Variants in PTPRD observed in about 807,000 individuals in gnomAD.
PTPRD encodes the protein protein tyrosine phosphatase receptor type D, also known as receptor-type tyrosine-protein phosphatase delta.
PTPRD carries 34 observed loss-of-function variants against 214.5 expected under a neutral mutation model. The ratio of observed to expected loss-of-function variants is 0.16; its 90% CI spans 0.12 to 0.21. The LOEUF (loss-of-function observed/expected upper bound fraction) is 0.21. PTPRD is among the 10% of genes least tolerant of loss of function. The probability of loss-of-function intolerance (pLI) is 1.00; values close to 1 mark genes in which losing one functional copy is unlikely to be tolerated. For synonymous variants in PTPRD, 1,128 were observed against 845.7 expected, an observed-to-expected ratio of 1.33 and a Z score of -5.79; for missense variants, 2,545 against 2,398.7, an observed-to-expected ratio of 1.06 and a Z score of -1.27.
chr9:10,580,053 A>G (rs563005181), intron 2 of PTPRD, among the ~76,000 whole-genome samples: 85 of 152,280 alleles, frequency 5.6e-4, no homozygotes, highest in Non-Finnish European at 5.0e-4. Context: ...TTAGAGGGTT[A>G]ACTCTTTGTT....
At chr9:9,249,528 A>G (rs2099974564) in intron 9 of PTPRD, among the ~76,000 whole-genome samples, 1 of 151,960 alleles carries the variant, frequency 6.6e-6, no homozygotes, top group Non-Finnish European at 1.5e-5. Flanking sequence ...TACCTCATAA[A>G]CTTATTTGGA....
chr9:8,857,783 C>CCCCCCTGGTCGCCGCCGCG (rs1566658382), intron 11 of PTPRD: 4 of 156,712 alleles, frequency 2.6e-5, no homozygotes, highest in Non-Finnish European at 5.6e-5. Context: ...CCGCCGCCGC[C>CCCCCCTGGTCGCCGCCGCG]GAAGCCCCCC....
chr9:10,078,988 C>T (rs1567541752), intron 3 of PTPRD, among the ~76,000 whole-genome samples: 1 of 151,906 alleles, frequency 6.6e-6, no homozygotes, highest in Admixed American at 6.6e-5. Context: ...ATGAGTAGAA[C>T]TTTTTTTTCT....
rs186770568 is a variant in PTPRD at position 8,586,926 on chromosome 9, C to T, written c.352+46391G>A. On this transcript the variant is annotated intron_variant, in intron 14 of 45. Coordinates refer to ENST00000381196, the MANE Select transcript of PTPRD (RefSeq NM_002839.4). Reference sequence around the variant, plus strand: ...ACTTTGGGAGACTGAGGTGGGCGGACCATGAGGTCGGAAGATTGAGACCAT... The same window carrying T: ...ACTTTGGGAGACTGAGGTGGGCGGATCATGAGGTCGGAAGATTGAGACCAT... 1.1e-4 allele frequency among the ~76,000 whole-genome samples: 16 copies of T among 152,192 alleles called. No individual in the cohort carries two copies. In the East Asian group the frequency reaches 3.1e-3, roughly 29 times the overall value.
rs1329170522 is a variant in PTPRD at position 10,559,477 on chromosome 9, A to G, written c.-600+52921T>C. ...TTTTTTGTTTTAGAAATAATCTCTCATAGTCCCAACACTGCTGATACACAC... is the reference window on the plus strand; with the variant it reads ...TTTTTTGTTTTAGAAATAATCTCTCGTAGTCCCAACACTGCTGATACACAC... On this transcript the variant is annotated intron_variant, in intron 2 of 45. Coordinates refer to ENST00000381196, the MANE Select transcript of PTPRD (RefSeq NM_002839.4). Among the ~76,000 whole-genome samples, 8 of 152,270 alleles carry G rather than the reference A, an allele frequency of 5.3e-5. No homozygotes were observed. In the East Asian group the frequency reaches 1.3e-3, roughly 26 times the overall value.
At chr9:10,344,501 T>C (rs2097025456) in intron 2 of PTPRD, among the ~76,000 whole-genome samples, 1 of 152,182 alleles carries the variant, frequency 6.6e-6, no homozygotes, top group South Asian at 2.1e-4. Context: ...TAGGATTGTC[T>C]TGGCAATGTA....
Position 9,549,730 on chromosome 9 carries a change from A to G in PTPRD, c.-237+25002T>C, listed in dbSNP as rs537059189. Among the ~76,000 whole-genome samples the G allele has an allele frequency of 3.1e-4, 47 of 152,264 alleles. 1 individual carries two copies. Among genetic ancestry groups the G allele is most frequent in the Admixed American group, 2.9e-3 (44 of 15,276 alleles). On this transcript the variant is annotated intron_variant, in intron 8 of 45. Coordinates refer to ENST00000381196, the MANE Select transcript of PTPRD (RefSeq NM_002839.4). ...ACAAATGATGGTGGAACAATTGAAC[A>G]TACATAGACCAAACAATGAGCCTCA...
chr9:8,792,762 T>C (rs1267550744), intron 11 of PTPRD, among the ~76,000 whole-genome samples: 1 of 152,190 alleles, frequency 6.6e-6, no homozygotes, highest in South Asian at 2.1e-4. Flanking sequence ...AGACCTCTCG[T>C]CCTTGCTCAT....
chr9:10,090,785 A>T (rs946274201), intron 3 of PTPRD, among the ~76,000 whole-genome samples: 1 of 148,608 alleles, frequency 6.7e-6, no homozygotes, highest in African/African-American at 2.5e-5. Context: ...AATCAATGAC[A>T]TATTTTGATC....
chr9:8,423,415 TA>T (rs2094480135), intron 35 of PTPRD, among the ~76,000 whole-genome samples: 1 of 152,228 alleles, frequency 6.6e-6, no homozygotes, highest in African/African-American at 2.4e-5. Flanking sequence ...GATTGTACAG[TA>T]ACAGCTCCTA....
intron 2 of PTPRD, among the ~76,000 whole-genome samples, chr9:10,394,584 A>T (rs1437169808): frequency 6.6e-6 from 1 of 151,852 alleles, no homozygotes; most frequent in Non-Finnish European, 1.5e-5. Context: ...TAAATTTCCA[A>T]AACCACGTAG....
At chr9:8,897,834 A>T (rs909140523) in intron 11 of PTPRD, among the ~76,000 whole-genome samples, 1 of 152,122 alleles carries the variant, frequency 6.6e-6, no homozygotes, top group African/African-American at 2.4e-5. Flanking sequence ...TTGGCACCAA[A>T]CTTCTCTGGC....
intron 9 of PTPRD, among the ~76,000 whole-genome samples, chr9:9,330,133 C>T (rs2041759463): frequency 6.6e-6 from 1 of 152,078 alleles, no homozygotes; most frequent in South Asian, 2.1e-4. Context: ...ACTCCAGACC[C>T]TGCCATGCCA....
At chr9:9,795,807 T>C (rs1436315067) in intron 5 of PTPRD, among the ~76,000 whole-genome samples, 1 of 152,156 alleles carries the variant, frequency 6.6e-6, no homozygotes, top group Non-Finnish European at 1.5e-5. Context: ...TGACACATCT[T>C]CTTCTGACAA....
intron 30 of PTPRD, among the ~76,000 whole-genome samples, chr9:8,477,305 C>T (rs1010421151): frequency 2.6e-5 from 4 of 152,022 alleles, no homozygotes; most frequent in East Asian, 1.9e-4. Context: ...ATCTGGAAAG[C>T]CCTTGACTAC....
chr9:9,401,694 G>C (rs1224945289), intron 8 of PTPRD, among the ~76,000 whole-genome samples: 3 of 151,292 alleles, frequency 2.0e-5, no homozygotes, highest in Admixed American at 2.0e-4. Context: ...ATCTTGAATT[G>C]TAGTGCCCAT....
chr9:10,487,465 A>T (rs2099139992), intron 2 of PTPRD, among the ~76,000 whole-genome samples: 1 of 152,164 alleles, frequency 6.6e-6, no homozygotes, highest in South Asian at 2.1e-4. Flanking sequence ...TTGATACATT[A>T]TAAGTTTTTG....
intron 12 of PTPRD, among the ~76,000 whole-genome samples, chr9:8,722,498 GTTT>G (rs56191898): frequency 6.7e-6 from 1 of 150,264 alleles, no homozygotes; most frequent in Non-Finnish European, 1.5e-5. Context: ...ACAATAAAGG[GTTT>G]TTTTTTTTCT....
At chr9:10,145,823 G>A (rs1307450324) in intron 3 of PTPRD, among the ~76,000 whole-genome samples, 2 of 151,786 alleles carry the variant, frequency 1.3e-5, no homozygotes, top group African/African-American at 4.8e-5. Flanking sequence ...AAAATATGAT[G>A]GTAGAAAATC....
Sources: allele counts gnomAD v4.1 joint callset (sites outside exome capture counted in the v4.1 genomes callset), GRCh38; gene constraint gnomAD v4.1.1; transcripts MANE v1.5; gene names NCBI Gene and HGNC (gene_info 2026-07-23, HGNC 2026-07-21).